Variants in MACF1 observed in about 807,000 individuals in gnomAD.
The protein encoded by MACF1 is microtubule actin crosslinking factor 1, also known as microtubule-actin cross-linking factor 1.
A neutral mutation model predicts 854.8 loss-of-function variants in MACF1; 193 were observed. That is an observed-to-expected ratio of 0.23 (90% confidence interval 0.20 to 0.25). The LOEUF is 0.25. Ranked by LOEUF, MACF1 falls within the 10% of genes least tolerant of loss-of-function variation. The pLI is 1.00. For missense variants in MACF1, 7,722 were observed against 8,929.1 expected (o/e 0.86, Z 5.45); for synonymous variants, 3,185 against 3,226.7 (o/e 0.99, Z 0.44).
chr1:39,372,408 C>T (rs911708441), intron 51 of MACF1, 71 bp from the exon 52 acceptor site: 15 of 809,280 alleles, frequency 1.9e-5, no homozygotes, highest in Non-Finnish European at 3.0e-5. Flanking sequence ...GGAGTATATA[C>T]AGAACAGATG....
chr1:39,280,556 G>A (rs2148377636), intron 6 of MACF1, among the ~76,000 whole-genome samples: 1 of 152,172 alleles, frequency 6.6e-6, no homozygotes, highest in East Asian at 1.9e-4. Context: ...AGTCCATAAT[G>A]CAAAATAACA....
Position 39,331,442 on chromosome 1 carries a change from C to G in MACF1, c.4854C>G (p.Ala1618=). The part of the protein sequence containing the change: ...MYQQLRELQD[A]LALISRLTES... ...AGCAGCTCCGGGAGCTACAGGATGCCCTGGCCTTAATAAGCAGGCTTACTG... is the reference window on the plus strand; with the variant it reads ...AGCAGCTCCGGGAGCTACAGGATGCGCTGGCCTTAATAAGCAGGCTTACTG... Residue 1618 remains alanine (A), a synonymous_variant, in exon 37 of 101, where the codon GCC becomes GCG. Coordinates refer to ENST00000564288, the MANE Select transcript of MACF1 (RefSeq NM_001394062.1). 1 of 1,614,034 alleles carries G rather than the reference C, an allele frequency of 6.2e-7. No homozygotes were observed. Among genetic ancestry groups the G allele is most frequent in the Non-Finnish European group, 8.5e-7 (1 of 1,179,996 alleles).
At chr1:39,331,155 C>G in intron 36 of MACF1, 48 bp from the exon 37 acceptor site, 1 of 1,433,358 alleles carries the variant, frequency 7.0e-7, no homozygotes, top group South Asian at 1.5e-5. Flanking sequence ...ATTCAGTTTT[C>G]TTTTTCTTCT....
intron 2 of MACF1, among the ~76,000 whole-genome samples, chr1:39,146,497 T>C (rs1047151547): frequency 2.0e-5 from 3 of 148,698 alleles, no homozygotes; most frequent in East Asian, 3.9e-4. Flanking sequence ...ATATACACAA[T>C]AGAGTACTAG....
At chr1:39,314,059 A>C (rs1418163703) in intron 26 of MACF1, among the ~76,000 whole-genome samples, 1 of 152,208 alleles carries the variant, frequency 6.6e-6, no homozygotes, top group African/African-American at 2.4e-5. Flanking sequence ...CTGGGTACCA[A>C]ATGTATTCAT....
In MACF1 at chr1:39,455,886, G is replaced by A. The variant is rs542924297; in HGVS notation, c.21075+789G>A. Among the ~76,000 whole-genome samples the A allele has an allele frequency of 1.8e-4, 27 of 152,302 alleles. No homozygotes were observed. The South Asian group carries it at 4.3e-3, about 25-fold the overall frequency. ...ATAATCATTTATACTGAATTCAAGC[G>A]TGAATGTTGATTAGTTATACTGTAG... On this transcript the variant is annotated intron_variant, in intron 89 of 100. Coordinates refer to ENST00000564288, the MANE Select transcript of MACF1 (RefSeq NM_001394062.1).
In MACF1 at chr1:39,336,294, G is replaced by A. The variant is rs760956652; in HGVS notation, c.9706G>A (p.Gly3236Arg). Residue 3236 changes from glycine to arginine, a missense_variant, in exon 37 of 101, where the codon GGA (glycine) becomes AGA (arginine). Around this residue, in one of 15 missense-constraint regions of MACF1, gnomAD observed 854 missense variants for 852.6 expected, o/e 1.00. Coordinates refer to ENST00000564288, the MANE Select transcript of MACF1 (RefSeq NM_001394062.1). The part of the protein sequence containing the change: ...KSEIATQELT[G>R]EKFLEMANPN... ...TGAAATAGCAACACAGGAACTAACTGGAGAGAAATTTCTAGAAATGGCAAA... is the reference window on the plus strand; with the variant it reads ...TGAAATAGCAACACAGGAACTAACTAGAGAGAAATTTCTAGAAATGGCAAA... 9 of 1,614,136 alleles carry A rather than the reference G, an allele frequency of 5.6e-6. No individual in the cohort carries two copies. The highest frequency in any genetic ancestry group is 4.0e-5 in the African/African-American group (3 of 75,028).
chr1:39,237,395 T>C (rs2148316343), intron 2 of MACF1, among the ~76,000 whole-genome samples: 1 of 152,376 alleles, frequency 6.6e-6, no homozygotes, highest in African/African-American at 2.4e-5. Context: ...GGGATTGTAT[T>C]ATGCTACTTT....
At chr1:39,194,606 G>A (rs568379306) in intron 2 of MACF1, among the ~76,000 whole-genome samples, 135 of 151,856 alleles carry the variant, frequency 8.9e-4, no homozygotes, top group African/African-American at 3.0e-3. Context: ...GCCTTTTAAT[G>A]TGCTGGGATT....
intron 2 of MACF1, among the ~76,000 whole-genome samples, chr1:39,171,142 G>A (rs572586258): frequency 1.3e-4 from 20 of 152,052 alleles, no homozygotes; most frequent in Middle Eastern, 3.4e-3. Flanking sequence ...AACAGACGTT[G>A]GGACTTGTCT....
chr1:39,425,927 C>G (rs1157550469), intron 61 of MACF1, among the ~76,000 whole-genome samples: 1 of 152,020 alleles, frequency 6.6e-6, no homozygotes, highest in African/African-American at 2.4e-5. Context: ...TCCTCCTAGC[C>G]TAATATAGTT....
chr1:39,339,792 G>A (rs1646895744), intron 38 of MACF1, among the ~76,000 whole-genome samples: 1 of 152,108 alleles, frequency 6.6e-6, no homozygotes, highest in South Asian at 2.1e-4. Context: ...AGGAAGAGTG[G>A]CTATTTCACT....
intron 6 of MACF1, chr1:39,268,989 C>G (rs531157355): frequency 7.8e-7 from 1 of 1,286,930 alleles, no homozygotes; most frequent in South Asian, 1.2e-5. Flanking sequence ...CCCCAACTCA[C>G]GGGTAGTCGA....
chr1:39,342,369 T>C (rs1483828562), intron 40 of MACF1, among the ~76,000 whole-genome samples: 1 of 152,068 alleles, frequency 6.6e-6, no homozygotes, highest in African/African-American at 2.4e-5. Flanking sequence ...TACACACACA[T>C]GTGTCTTTAT....
chr1:39,378,372 AAAGT>A, intron 52 of MACF1, 85 bp from the exon 53 acceptor site: 5 of 882,562 alleles, frequency 5.7e-6, no homozygotes, highest in South Asian at 5.5e-5. Flanking sequence ...ACCTAAGCTT[AAAGT>A]GAGGGCCAAA....
chr1:39,176,140 G>GGCA (rs1290236792), intron 2 of MACF1, among the ~76,000 whole-genome samples: 2 of 72,374 alleles, frequency 2.8e-5, no homozygotes, highest in Non-Finnish European at 7.3e-5. Flanking sequence ...CAGGTGTGGT[G>GGCA]GCAGGCGCCT....
chr1:39,104,093 T>A (rs890424462), intron 2 of MACF1, among the ~76,000 whole-genome samples: 1 of 152,260 alleles, frequency 6.6e-6, no homozygotes, highest in East Asian at 1.9e-4. Flanking sequence ...GAATTCTTTT[T>A]TTACTTGCTA....
intron 69 of MACF1, among the ~76,000 whole-genome samples, chr1:39,435,003 A>G (rs1253189031): frequency 6.6e-6 from 1 of 152,218 alleles, no homozygotes; most frequent in East Asian, 1.9e-4. Context: ...AGGTAATGTC[A>G]AAAAACATTT....
At chr1:39,477,056 TATATATA>T (rs1271418265) in intron 97 of MACF1, among the ~76,000 whole-genome samples, 1 of 16,060 alleles carries the variant, frequency 6.2e-5, no homozygotes, top group Non-Finnish European at 1.0e-4. Flanking sequence ...TATATATATA[TATATATA>T]TATATATATA....
Sources: allele counts gnomAD v4.1 joint callset (sites outside exome capture counted in the v4.1 genomes callset), GRCh38; gene constraint gnomAD v4.1.1; regional missense constraint gnomAD v4.1.1; transcripts MANE v1.5; gene names NCBI Gene and HGNC (gene_info 2026-07-23, HGNC 2026-07-21).